Variants in KIAA2012 observed in about 807,000 individuals in gnomAD.
KIAA2012 encodes the protein KIAA2012.
In KIAA2012, 125 loss-of-function variants were observed where a neutral mutation model predicts 150.6. That is an observed-to-expected ratio of 0.83 (90% CI 0.72 to 0.96). The LOEUF (loss-of-function observed/expected upper bound fraction) is 0.96, where lower values mean the gene tolerates loss of function less well. KIAA2012 is among the 40% of genes least tolerant of loss of function. The pLI is 0.00. For synonymous variants in KIAA2012, 462 were observed against 504.7 expected (o/e 0.92, Z 1.13); for missense variants, 1,219 against 1,354.9 (o/e 0.90, Z 1.57).
chr2:202,111,340 CAAAA>C (rs67625607), intron 10 of KIAA2012, among the ~76,000 whole-genome samples: 9 of 83,856 alleles, frequency 1.1e-4, no homozygotes, highest in Non-Finnish European at 1.5e-4. Flanking sequence ...ACTAAAAATA[CAAAA>C]AAAAAAAAAA....
At chr2:202,168,204 A>C (rs1019481356) in intron 15 of KIAA2012, among the ~76,000 whole-genome samples, 2 of 151,996 alleles carry the variant, frequency 1.3e-5, no homozygotes, top group Non-Finnish European at 2.9e-5. Flanking sequence ...GTGGATCACA[A>C]GGTCAAGAGA....
chr2:202,102,955 G>C lies in KIAA2012; in HGVS notation c.1165G>C (p.Ala389Pro), dbSNP rs1360360497. The change falls in exon 8 of 24, where the codon GCT (alanine) becomes CCT (proline). Residue 389 changes from alanine to proline, a missense_variant. Transcript: ENST00000498697. ...TTTAAATTTTCTCCAGGCACCAAAG[G>C]CTTTGAAATTACCTCCTATCTCAGA... ...GEVKKKKAPK[A>P]LKLPPISEEP... is the part of the protein sequence containing the mutation. 13 of 1,549,526 alleles carry C rather than the reference G, an allele frequency of 8.4e-6. No individual in the cohort carries two copies. The highest frequency in any genetic ancestry group is 1.1e-5 in the Non-Finnish European group (13 of 1,146,690).
In KIAA2012 at chr2:202,124,049, G is replaced by A. The variant is rs538182434; in HGVS notation, c.1763-1165G>A. Among the ~76,000 whole-genome samples, 9 of 152,156 alleles carry A rather than the reference G, an allele frequency of 5.9e-5. No homozygotes were observed. The South Asian group carries it at 8.3e-4, about 14-fold the overall frequency. ...ACTAAAAATACAAAAAAAATTAGCCGGGTGTTGGTGGCAGGCACCTGTAGT... is the reference window on the plus strand; with the variant it reads ...ACTAAAAATACAAAAAAAATTAGCCAGGTGTTGGTGGCAGGCACCTGTAGT... On this transcript the variant is annotated intron_variant, in intron 11 of 23. Transcript: ENST00000498697.
intron 15 of KIAA2012, among the ~76,000 whole-genome samples, chr2:202,169,069 AG>A (rs1465317206): frequency 6.6e-6 from 1 of 152,210 alleles, no homozygotes; most frequent in African/African-American, 2.4e-5. Flanking sequence ...GCTGGCAGGC[AG>A]GGGGTCCCTG....
At chr2:202,202,386 T>G in intron 22 of KIAA2012, 43 bp from the exon 23 acceptor site, 1 of 400,162 alleles carries the variant, frequency 2.5e-6, no homozygotes, top group Non-Finnish European at 4.4e-6. Flanking sequence ...ATTTCTAGGG[T>G]GTTTAATCAT....
intron 12 of KIAA2012, among the ~76,000 whole-genome samples, chr2:202,132,518 T>C (rs1271948486): frequency 6.7e-6 from 1 of 150,276 alleles, no homozygotes; most frequent in Non-Finnish European, 1.5e-5. Flanking sequence ...AATACAAAAA[T>C]TAGCCAGGCA....
intron 21 of KIAA2012, among the ~76,000 whole-genome samples, chr2:202,196,186 C>CTTTTCTTTTCTTTT (rs59455367): frequency 6.3e-5 from 5 of 79,702 alleles, no homozygotes; most frequent in Non-Finnish European, 1.2e-4. Flanking sequence ...CTTTTCTTTT[C>CTTTTCTTTTCTTTT]TTTTTTTTTT....
chr2:202,088,601 G>A (rs1042812729), intron 2 of KIAA2012, among the ~76,000 whole-genome samples: 1 of 152,162 alleles, frequency 6.6e-6, no homozygotes, highest in Admixed American at 6.5e-5. Context: ...CAGGGAGTGA[G>A]AGCGTGCACC....
chr2:202,151,556 C>T (rs114469527), intron 13 of KIAA2012, among the ~76,000 whole-genome samples: 3,124 of 152,144 alleles, frequency 0.021, 108 homozygotes, highest in African/African-American at 0.07. Flanking sequence ...TTAAGCCAAG[C>T]GGCCACCCCC....
At chr2:202,097,372 AG>A (rs1331795645) in intron 4 of KIAA2012, 62 bp from the exon 5 acceptor site, 7 of 1,538,356 alleles carry the variant, frequency 4.6e-6, no homozygotes, top group Non-Finnish European at 6.1e-6. Context: ...GGCAGTTTGG[AG>A]GCAGCAAGAA....
chr2:202,093,500 C>A (rs1689786993), intron 4 of KIAA2012, among the ~76,000 whole-genome samples: 1 of 152,160 alleles, frequency 6.6e-6, no homozygotes, highest in African/African-American at 2.4e-5. Flanking sequence ...TAACCACATG[C>A]AGCTGGTGGC....
rs894889958 is a variant in KIAA2012 at position 202,106,067 on chromosome 2, C to G, written c.1474+157C>G. ...ATGGCCTTTGTGCAGGCAGCAGCTG[C>G]CTTCACCAAAGTGCTGCACTAAAAC... On this transcript the variant is annotated intron_variant, in intron 9 of 23. Coordinates refer to ENST00000498697, the MANE Select transcript of KIAA2012 (RefSeq NM_001277372.4). 2.6e-6 allele frequency: 4 copies of G among 1,524,280 alleles called. No homozygotes were observed. In the African/African-American group the frequency reaches 4.1e-5, roughly 16 times the overall value. 94.4% of individuals were successfully genotyped at this position (1,524,280 alleles called of 1,614,324 possible).
chr2:202,099,604 G>T lies in KIAA2012; in HGVS notation c.829-9G>T. The T allele has an allele frequency of 6.5e-7, 1 of 1,543,590 alleles. No individual in the cohort carries two copies. Among genetic ancestry groups the T allele is most frequent in the Middle Eastern group, 1.7e-4 (1 of 5,736 alleles). ...CTGTTTACAGGAATGTGTATCTGTC[G>T]TTCCCTAGGACACGTCAATAGAGAA... On this transcript the variant is annotated splice_polypyrimidine_tract_variant and intron_variant, in intron 5 of 23. Coordinates refer to ENST00000498697, the MANE Select transcript of KIAA2012 (RefSeq NM_001277372.4).
chr2:202,160,421 C>G (rs1405052460), intron 14 of KIAA2012, among the ~76,000 whole-genome samples: 1 of 148,942 alleles, frequency 6.7e-6, no homozygotes, highest in African/African-American at 2.5e-5. Flanking sequence ...TCACGCCATT[C>G]TCCTGCCTCA....
chr2:202,091,062 C>T (rs1047956406), intron 3 of KIAA2012, 133 bp downstream of exon 3: 8 of 1,193,466 alleles, frequency 6.7e-6, no homozygotes, highest in Admixed American at 5.7e-5. Flanking sequence ...AAAGTCCCCA[C>T]GCTTGGTAGC....
chr2:202,090,677 TG>T, intron 2 of KIAA2012, 92 bp from the exon 3 acceptor site: 1 of 1,368,962 alleles, frequency 7.3e-7, no homozygotes, highest in Non-Finnish European at 9.6e-7. Context: ...GGGAGTTTCC[TG>T]GGTTACTGAT....
At chr2:202,194,410 A>C in intron 21 of KIAA2012, 48 bp downstream of exon 21, 1 of 1,541,664 alleles carries the variant, frequency 6.5e-7, no homozygotes, top group Non-Finnish European at 8.8e-7. Context: ...CTTGGGGCAG[A>C]AACACTTTTA....
Position 202,105,834 on chromosome 2 carries a change from T to C in KIAA2012, c.1398T>C (p.His466=), listed in dbSNP as rs900786975. ...CTGTGTGGAGACCTCCCCTGAAGCA[T>C]GCGTCCTTAGAAACACCATGGGAGT... The part of the protein sequence containing the change: ...STPVWRPPLK[H]ASLETPWELT... Residue 466 remains histidine (H), a synonymous_variant, in exon 9 of 24, where the codon CAT becomes CAC. Transcript: ENST00000498697. The C allele has an allele frequency of 1.3e-6, 2 of 1,550,754 alleles. No individual in the cohort carries two copies. The highest frequency in any genetic ancestry group is 1.2e-5 in the South Asian group (1 of 84,060).
intron 2 of KIAA2012, 63 bp from the exon 3 acceptor site, chr2:202,090,707 C>G: frequency 6.8e-7 from 1 of 1,473,234 alleles, no homozygotes; most frequent in Non-Finnish European, 9.1e-7. Context: ...TGCTAACCAG[C>G]CTGTATCACT....
Sources: gnomAD v4.1 joint callset for allele counts (sites outside exome capture counted in the v4.1 genomes callset) on GRCh38, gnomAD v4.1.1 for gene constraint, MANE v1.5 for transcripts, NCBI Gene and HGNC (gene_info 2026-07-23, HGNC 2026-07-21) for gene names.